Variants in EXOC4 observed in about 807,000 individuals in gnomAD.
The protein encoded by EXOC4 is exocyst complex component 4, also known as SEC8-like 1.
EXOC4 carries 71 observed loss-of-function variants against 107.2 expected under a neutral mutation model. The ratio of observed to expected loss-of-function variants is 0.66; its 90% CI spans 0.55 to 0.81. The LOEUF (loss-of-function observed/expected upper bound fraction) is 0.81, where lower values mean the gene tolerates loss of function less well. Among genes scored for constraint, EXOC4 ranks in the 30% least tolerant of loss-of-function variants. The pLI is 0.00. For missense variants in EXOC4, 1,108 were observed against 1,189.6 expected, an observed-to-expected ratio of 0.93 and a Z score of 1.01; for synonymous variants, 456 against 441.2, an observed-to-expected ratio of 1.03 and a Z score of -0.42.
intron 14 of EXOC4, among the ~76,000 whole-genome samples, chr7:133,995,253 A>G (rs998582483): frequency 3.3e-5 from 5 of 152,168 alleles, no homozygotes; most frequent in African/African-American, 4.8e-5. Flanking sequence ...AAGAAATGCA[A>G]ATTTTTTAAG....
chr7:133,669,164 C>T (rs1218623919), intron 10 of EXOC4, among the ~76,000 whole-genome samples: 1 of 152,002 alleles, frequency 6.6e-6, no homozygotes, highest in Non-Finnish European at 1.5e-5. Context: ...AGATTTTCCC[C>T]CTCGCTCAGG....
chr7:133,333,314 T>C (rs2081337), intron 5 of EXOC4, among the ~76,000 whole-genome samples: 151,046 of 152,284 alleles, frequency 0.99, 74,916 homozygotes, highest in East Asian at 1. Flanking sequence ...TAGGTTGTTT[T>C]AACATGTCCC....
intron 4 of EXOC4, among the ~76,000 whole-genome samples, chr7:133,307,878 A>T (rs1794788507): frequency 6.6e-6 from 1 of 152,174 alleles, no homozygotes; most frequent in South Asian, 2.1e-4. Flanking sequence ...TCAACCAACC[A>T]CCAAAATGTA....
At chr7:134,089,674 T>C in the EXOC4 span, among the ~76,000 whole-genome samples, 2 of 152,236 alleles carry the variant, frequency 1.3e-5, no homozygotes, top group African/African-American at 4.8e-5. Context: ...TTGCGTGACC[T>C]ACACAGACTA....
intron 11 of EXOC4, among the ~76,000 whole-genome samples, chr7:133,853,568 C>A (rs537542521): frequency 1.3e-5 from 2 of 152,236 alleles, no homozygotes; most frequent in Admixed American, 1.3e-4. Flanking sequence ...CAGTTTTTGA[C>A]TATCGCCACC....
intron 13 of EXOC4, chr7:133,930,427 C>A: frequency 6.6e-6 from 1 of 152,248 alleles, no homozygotes. Flanking sequence ...AATTGTGTTC[C>A]AAGTCTACAT....
chr7:133,817,531 G>A lies in EXOC4; in HGVS notation c.1721G>A (p.Arg574Gln). 5 of 1,613,122 alleles carry A rather than the reference G, an allele frequency of 3.1e-6. No individual in the cohort carries two copies. The highest frequency in any genetic ancestry group is 1.3e-5 in the African/African-American group (1 of 74,972). Residue 574 changes from arginine to glutamine, a missense_variant, in exon 11 of 18, where the codon CGG becomes CAG. Arg to Gln is a conservative substitution (Grantham distance 43). Transcript: ENST00000253861. ...ACCATGAAGGTGCTGGGAGTGCAGCGGCCTCTCCTACAGGTAATAATACAC... is the reference window on the plus strand; with the variant it reads ...ACCATGAAGGTGCTGGGAGTGCAGCAGCCTCTCCTACAGGTAATAATACAC... ...ADTMKVLGVQ[R>Q]PLLQSTIIVE...
intron 10 of EXOC4, among the ~76,000 whole-genome samples, chr7:133,693,129 T>A (rs1285398761): frequency 6.6e-6 from 1 of 152,174 alleles, no homozygotes; most frequent in African/African-American, 2.4e-5. Context: ...ATAAGCTGTC[T>A]GCAAGCTGAG....
At chr7:133,328,254 G>T (rs1795295341) in intron 5 of EXOC4, among the ~76,000 whole-genome samples, 1 of 147,476 alleles carries the variant, frequency 6.8e-6, no homozygotes, top group Non-Finnish European at 1.5e-5. Context: ...TGCAACCCCT[G>T]TTTTTTTTTT....
At chr7:133,386,783 AT>A in intron 7 of EXOC4, among the ~76,000 whole-genome samples, 1 of 151,872 alleles carries the variant, frequency 6.6e-6, no homozygotes, top group South Asian at 2.1e-4. Flanking sequence ...TAAGATCTCC[AT>A]TAGTTGGAAT....
intron 11 of EXOC4, among the ~76,000 whole-genome samples, chr7:133,820,887 G>A (rs374132252): frequency 2.6e-5 from 4 of 152,304 alleles, no homozygotes; most frequent in African/African-American, 9.6e-5. Context: ...GTGGCATCTG[G>A]GCAGTACAGA....
At chr7:133,381,339 G>A (rs1370489042) in intron 7 of EXOC4, among the ~76,000 whole-genome samples, 1 of 152,110 alleles carries the variant, frequency 6.6e-6, no homozygotes, top group Non-Finnish European at 1.5e-5. Context: ...GTTGCTGAAT[G>A]TAAGAAGAGT....
intron 16 of EXOC4, among the ~76,000 whole-genome samples, chr7:134,005,323 T>G (rs1297431347): frequency 2.0e-5 from 3 of 152,174 alleles, no homozygotes; most frequent in African/African-American, 4.8e-5. Flanking sequence ...GGCAGATGGC[T>G]GCCTCCCTGA....
chr7:133,474,430 C>A (rs1214283459), intron 7 of EXOC4, among the ~76,000 whole-genome samples: 1 of 151,662 alleles, frequency 6.6e-6, no homozygotes, highest in Non-Finnish European at 1.5e-5. Context: ...GCCTCAGCCT[C>A]TCAAGTAGCT....
chr7:133,478,385 G>A (rs1398093965), intron 8 of EXOC4, among the ~76,000 whole-genome samples: 5 of 151,716 alleles, frequency 3.3e-5, no homozygotes, highest in Non-Finnish European at 7.4e-5. Flanking sequence ...TTATTATTGG[G>A]CAGTAATGAA....
chr7:133,822,809 G>A (rs951848899), intron 11 of EXOC4, among the ~76,000 whole-genome samples: 3 of 152,290 alleles, frequency 2.0e-5, no homozygotes, highest in Non-Finnish European at 4.4e-5. Context: ...ACATAACGTC[G>A]TCATGATACC....
At chr7:134,002,385 T>A (rs1794549424) in intron 15 of EXOC4, among the ~76,000 whole-genome samples, 1 of 152,060 alleles carries the variant, frequency 6.6e-6, no homozygotes, top group Non-Finnish European at 1.5e-5. Flanking sequence ...GAAGAAAACA[T>A]AGGAAAAAAT....
chr7:133,882,513 A>G (rs1798987675), intron 11 of EXOC4, among the ~76,000 whole-genome samples: 1 of 152,186 alleles, frequency 6.6e-6, no homozygotes, highest in Non-Finnish European at 1.5e-5. Flanking sequence ...GGGAAGGCAG[A>G]CCCTAAACAA....
intron 12 of EXOC4, among the ~76,000 whole-genome samples, chr7:133,902,242 A>G (rs904945342): frequency 6.6e-6 from 1 of 152,216 alleles, no homozygotes; most frequent in Admixed American, 6.5e-5. Flanking sequence ...AAAAATGATC[A>G]GCAGTGGTTC....
Sources: allele counts gnomAD v4.1 joint callset (sites outside exome capture counted in the v4.1 genomes callset), GRCh38; gene constraint gnomAD v4.1.1; transcripts MANE v1.5; gene names NCBI Gene and HGNC (gene_info 2026-07-23, HGNC 2026-07-21).